The following SCN11A variants were observed in gnomAD, a reference collection of about 807,000 sequenced individuals.
SCN11A encodes sodium voltage-gated channel alpha subunit 11.
A neutral mutation model predicts 162.2 loss-of-function variants in SCN11A; 122 were observed. That is an observed-to-expected ratio of 0.75 (90% CI 0.65 to 0.87). SCN11A has a LOEUF of 0.87. Among genes scored for constraint, SCN11A ranks in the 40% least tolerant of loss-of-function variants. The probability of loss-of-function intolerance (pLI) is 0.00; values close to 1 mark genes in which losing one functional copy is unlikely to be tolerated. For synonymous variants in SCN11A, 758 were observed against 751.5 expected, an observed-to-expected ratio of 1.01 and a Z score of -0.14; for missense variants, 2,015 against 2,181.6, an observed-to-expected ratio of 0.92 and a Z score of 1.52.
At chr3:38,867,509 A>G in intron 26 of SCN11A, 51 bp from the exon 27 acceptor site, 1 of 1,439,152 alleles carries the variant, frequency 6.9e-7, no homozygotes, top group Non-Finnish European at 9.6e-7. Context: ...GGAGAAAAAT[A>G]TAAGCATTCT....
chr3:38,876,795 A>T (rs954171448), intron 23 of SCN11A, among the ~76,000 whole-genome samples: 1 of 152,064 alleles, frequency 6.6e-6, no homozygotes, highest in Non-Finnish European at 1.5e-5. Flanking sequence ...CAATGTGGAG[A>T]TTCCTTAAAG....
At chr3:39,025,735 T>C (rs1285230213) in intron 2 of SCN11A, among the ~76,000 whole-genome samples, 1 of 152,192 alleles carries the variant, frequency 6.6e-6, no homozygotes, top group Non-Finnish European at 1.5e-5. Flanking sequence ...GCCTGTTTTA[T>C]CAGCAAGGTC....
intron 3 of SCN11A, among the ~76,000 whole-genome samples, chr3:38,957,210 A>C (rs2066692584): frequency 6.6e-6 from 1 of 152,210 alleles, no homozygotes; most frequent in East Asian, 1.9e-4. Context: ...AAAATTAAAG[A>C]GAGAAAATGA....
intron 14 of SCN11A, among the ~76,000 whole-genome samples, chr3:38,907,455 A>G (rs1324793821): frequency 6.6e-6 from 1 of 151,356 alleles, no homozygotes; most frequent in African/African-American, 2.4e-5. Flanking sequence ...CTGGCTTGAT[A>G]ATGCATCTTC....
intron 2 of SCN11A, among the ~76,000 whole-genome samples, chr3:38,985,957 A>G (rs2030224692): frequency 6.6e-6 from 1 of 150,916 alleles, no homozygotes; most frequent in Non-Finnish European, 1.5e-5. Flanking sequence ...TGGCTCACTC[A>G]TGAGGCAAGG....
In SCN11A at chr3:38,904,116, G is replaced by A; in HGVS notation, c.1604-13C>T. 1 of 1,525,862 alleles carries A rather than the reference G, an allele frequency of 6.6e-7. No individual in the cohort carries two copies. Among genetic ancestry groups the A allele is most frequent in the Non-Finnish European group, 8.8e-7 (1 of 1,133,192 alleles). 94.5% of individuals were successfully genotyped at this position (1,525,862 alleles called of 1,614,324 possible). On this transcript the variant is annotated splice_polypyrimidine_tract_variant and intron_variant, in intron 15 of 29. Coordinates refer to ENST00000302328, the MANE Select transcript of SCN11A (RefSeq NM_001349253.2). ...GATTTTTCTTGTTCTGGAGGAGAAT[G>A]AGCGAGAGGTTGAGGAGTTAGCTCT...
rs542596143 is a variant in SCN11A at position 38,917,094 on chromosome 3, T to C, written c.959+2841A>G. ...TGTACATCATTGATCATTAGAGAAA[T>C]ACAAATCAAAACCACAATGAGATAC... On this transcript the variant is annotated intron_variant, in intron 11 of 29. Transcript: ENST00000302328. Among the ~76,000 whole-genome samples the C allele has an allele frequency of 1.3e-3, 192 of 152,244 alleles. 1 individual carries two copies. Among genetic ancestry groups the C allele is most frequent in the Non-Finnish European group, 2.1e-3 (140 of 68,006 alleles).
chr3:39,003,872 G>T (rs2030888300), intron 2 of SCN11A, among the ~76,000 whole-genome samples: 1 of 149,676 alleles, frequency 6.7e-6, no homozygotes, highest in East Asian at 2.0e-4. Flanking sequence ...CTTTTTAATG[G>T]GTTTTTTTTT....
At chr3:38,930,121 T>TC (rs2066218590) in intron 7 of SCN11A, among the ~76,000 whole-genome samples, 2 of 152,116 alleles carry the variant, frequency 1.3e-5, no homozygotes, top group Non-Finnish European at 2.9e-5. Flanking sequence ...ATACACACGC[T>TC]CACTTGGGAC....
chr3:39,037,257 T>C (rs1010361168), intron 1 of SCN11A, among the ~76,000 whole-genome samples: 4 of 152,180 alleles, frequency 2.6e-5, no homozygotes, highest in Non-Finnish European at 5.9e-5. Flanking sequence ...ATTACTAATT[T>C]GTAGGAAGTA....
intron 2 of SCN11A, among the ~76,000 whole-genome samples, chr3:39,009,217 CAT>C (rs1250729639): frequency 1.3e-5 from 2 of 151,728 alleles, no homozygotes; most frequent in African/African-American, 4.8e-5. Context: ...TTTTAGAAAA[CAT>C]AGTTACATTT....
At chr3:38,902,748 A>C (rs2065723003) in intron 16 of SCN11A, among the ~76,000 whole-genome samples, 1 of 151,834 alleles carries the variant, frequency 6.6e-6, no homozygotes, top group African/African-American at 2.4e-5. Flanking sequence ...TGATCTCCTG[A>C]CCTCATGATC....
At chr3:39,043,985 T>A (rs2125617837) in intron 1 of SCN11A, among the ~76,000 whole-genome samples, 1 of 152,204 alleles carries the variant, frequency 6.6e-6, no homozygotes, top group South Asian at 2.1e-4. Flanking sequence ...ACCTACTATG[T>A]ACCCACGAAA....
intron 2 of SCN11A, among the ~76,000 whole-genome samples, chr3:38,986,360 G>A (rs2030242940): frequency 7.0e-6 from 1 of 141,986 alleles, no homozygotes; most frequent in Non-Finnish European, 1.5e-5. Context: ...GATACAAATG[G>A]ATCAAAGGGA....
At position 38,867,446 on chromosome 3, in the gene SCN11A, G is replaced by GCT. The variant is rs765774073; in HGVS notation, c.3824_3825dup (p.Pro1276SerfsTer15). The GCT allele has an allele frequency of 6.3e-7, 1 of 1,595,286 alleles. No homozygotes were observed. Among genetic ancestry groups the GCT allele is most frequent in the Non-Finnish European group, 8.5e-7 (1 of 1,174,890 alleles). ...CCGAGTGAATTGCTCTCAAACTCTG[G>GCT]CTGTTGTTCTTTCTGTTAGAAATTT... On this transcript the variant is annotated frameshift_variant, in exon 27 of 30. Coordinates refer to ENST00000302328, the MANE Select transcript of SCN11A (RefSeq NM_001349253.2). LOFTEE classifies it high-confidence loss of function.
chr3:38,848,284 A>G (rs56963931), intron 29 of SCN11A, among the ~76,000 whole-genome samples: 4,147 of 152,348 alleles, frequency 0.027, 180 homozygotes, highest in African/African-American at 0.09. Flanking sequence ...AAGTGATACA[A>G]GGATTTAAGA....
intron 4 of SCN11A, among the ~76,000 whole-genome samples, chr3:38,952,772 G>A (rs2066637353): frequency 6.6e-6 from 1 of 152,194 alleles, no homozygotes; most frequent in Non-Finnish European, 1.5e-5. Flanking sequence ...GAGAAAAAGG[G>A]GGACACTAGG....
intron 2 of SCN11A, among the ~76,000 whole-genome samples, chr3:39,011,049 A>G (rs2031117324): frequency 6.6e-6 from 1 of 152,230 alleles, no homozygotes; most frequent in African/African-American, 2.4e-5. Flanking sequence ...CTGGCACAGC[A>G]TAGCCAAACA....
At position 38,847,051 on chromosome 3, in the gene SCN11A, G is replaced by T. The variant is rs1429354141; in HGVS notation, c.5019C>A (p.Pro1673=). ...AGTGGAGGCGATCTTCACTCACCAT[G>T]GGCAAGTCCATTACTAGAAATTGAT... ...NKYQFLVMDL[P]MVSEDRLHCM... Residue 1673 remains proline (P), a synonymous_variant, in exon 30 of 30, where the codon CCC becomes CCA. Coordinates refer to ENST00000302328, the MANE Select transcript of SCN11A (RefSeq NM_001349253.2). The T allele has an allele frequency of 6.2e-7, 1 of 1,614,070 alleles. No individual in the cohort carries two copies. The highest frequency in any genetic ancestry group is 8.5e-7 in the Non-Finnish European group (1 of 1,179,986).
Sources: allele counts gnomAD v4.1 joint callset (sites outside exome capture counted in the v4.1 genomes callset), GRCh38; gene constraint gnomAD v4.1.1; transcripts MANE v1.5; gene names NCBI Gene and HGNC (gene_info 2026-07-23, HGNC 2026-07-21).